Variants in COL5A3 observed in about 807,000 individuals in gnomAD.
The protein encoded by COL5A3 is collagen alpha-3(V) chain.
COL5A3 carries 172 observed loss-of-function variants against 250.0 expected under a neutral mutation model. That is an observed-to-expected ratio of 0.69 (90% CI 0.61 to 0.78). The LOEUF (loss-of-function observed/expected upper bound fraction) is 0.78. Ranked by LOEUF, COL5A3 falls within the 30% of genes least tolerant of loss-of-function variation. The pLI, the probability that COL5A3 is intolerant of heterozygous loss-of-function variation, is 0.00. For missense variants in COL5A3, 2,340 were observed against 2,334.4 expected (o/e 1.00, Z -0.05); for synonymous variants, 937 against 900.4 (o/e 1.04, Z -0.73).
chr19:9,988,380 G>A (rs1454348624), intron 27 of COL5A3, among the ~76,000 whole-genome samples: 2 of 152,204 alleles, frequency 1.3e-5, no homozygotes, highest in African/African-American at 2.4e-5. Context: ...ATGCACACAT[G>A]TTCAGGTAAA....
chr19:10,010,316 G>A lies in COL5A3; in HGVS notation c.70C>T (p.Leu24=). The A allele has an allele frequency of 6.8e-7, 1 of 1,463,150 alleles. No homozygotes were observed. The highest frequency in any genetic ancestry group is 9.1e-7 in the Non-Finnish European group (1 of 1,103,538). 90.6% of individuals were successfully genotyped at this position (1,463,150 alleles called of 1,614,324 possible). ...GGCTCACCGGCCTGCGTCCCCGGCA[G>A]AAGCTGCAGCGCGGCCAGGAGCAGG... The part of the protein sequence containing the change: ...LCLLLAALQL[L]PGTQADPVDV... The change falls in exon 1 of 67, where the codon CTG becomes TTG. Residue 24 remains leucine, a synonymous_variant. Coordinates refer to ENST00000264828, the MANE Select transcript of COL5A3 (RefSeq NM_015719.4).
At chr19:9,979,968 C>T (rs1445811661) in intron 36 of COL5A3, 26 bp downstream of exon 36, 1 of 1,578,162 alleles carries the variant, frequency 6.3e-7, no homozygotes, top group Non-Finnish European at 8.6e-7. Context: ...ACCCACCCAA[C>T]CCCCAATGAG....
chr19:9,966,157 C>G (rs1013609520), intron 64 of COL5A3, among the ~76,000 whole-genome samples, 157 bp downstream of exon 64: 1 of 152,158 alleles, frequency 6.6e-6, no homozygotes, highest in East Asian at 1.9e-4. Context: ...TGATCCTCTG[C>G]TGTAGTCCCA....
At chr19:9,977,126 C>T in intron 44 of COL5A3, 103 bp downstream of exon 44, 2 of 1,169,218 alleles carry the variant, frequency 1.7e-6, no homozygotes, top group Non-Finnish European at 2.5e-6. Flanking sequence ...AGGCAGAAAA[C>T]TCCATGGCCT....
At chr19:9,963,796 G>A (rs1487012145) in intron 64 of COL5A3, among the ~76,000 whole-genome samples, 2 of 152,234 alleles carry the variant, frequency 1.3e-5, no homozygotes, top group East Asian at 3.9e-4. Context: ...GGCCCAGTGG[G>A]AAGTCCAAGC....
Position 9,981,150 on chromosome 19 carries a change from G to T in COL5A3, c.2461-18C>A. ...GTCTTTCCCTGAAAATGAATTGTAA[G>T]AGAGAAAGCAGAAGAGAGTTAGGGT... On this transcript the variant is annotated intron_variant, in intron 32 of 66. Coordinates refer to ENST00000264828, the MANE Select transcript of COL5A3 (RefSeq NM_015719.4). 3 of 1,613,352 alleles carry T rather than the reference G, an allele frequency of 1.9e-6. No individual in the cohort carries two copies. Among genetic ancestry groups the T allele is most frequent in the Non-Finnish European group, 2.5e-6 (3 of 1,179,448 alleles).
At chr19:9,992,978 C>G (rs1306760694) in intron 20 of COL5A3, 45 bp downstream of exon 20, 5 of 1,609,828 alleles carry the variant, frequency 3.1e-6, no homozygotes, top group Non-Finnish European at 4.2e-6. Flanking sequence ...GTCCTGACTC[C>G]CTCCCCTGCA....
Position 9,969,900 on chromosome 19 carries a change from C to A in COL5A3, c.3959G>T (p.Arg1320Leu). 2.5e-6 allele frequency: 4 copies of A among 1,612,508 alleles called. No homozygotes were observed. Among genetic ancestry groups the A allele is most frequent in the Non-Finnish European group, 3.4e-6 (4 of 1,179,758 alleles). The change falls in exon 55 of 67, where the codon CGA (arginine) becomes CTA (leucine). Residue 1320 changes from arginine (R) to leucine (L), a missense_variant. Around this residue, in one of 3 missense-constraint regions of COL5A3, gnomAD observed 1,179 missense variants for 1,162.6 expected, o/e 1.01. Transcript: ENST00000264828. ...GKRGPSGHMG[R>L]EGREGEKGAK... is the part of the protein sequence containing the mutation. ...ACCTTTCTCCCCTTCTCTGCCTTCT[C>A]GACCCATGTGGCCTGAAGGACCCTT...
rs1223107770 is a variant in COL5A3, at chr19:9,972,912, G to T, written c.3774+7C>A. On this transcript the variant is annotated splice_region_variant and intron_variant, in intron 51 of 66. Coordinates refer to ENST00000264828, the MANE Select transcript of COL5A3 (RefSeq NM_015719.4). ...CATGTCTGCCCCCACTTCCCCCCAG[G>T]ACTCACCACGCTCCCTTTGGCTCCA... The T allele has an allele frequency of 1.3e-6, 2 of 1,598,494 alleles. No individual in the cohort carries two copies. The highest frequency in any genetic ancestry group is 3.5e-5 in the Admixed American group (2 of 57,962).
chr19:9,981,165 A>G, intron 32 of COL5A3, 33 bp from the exon 33 acceptor site: 1 of 1,608,086 alleles, frequency 6.2e-7, no homozygotes, highest in Non-Finnish European at 8.5e-7. Context: ...AAAGCAGAAG[A>G]GAGTTAGGGT....
At chr19:10,003,317 G>A (rs746021394) in intron 6 of COL5A3, among the ~76,000 whole-genome samples, 1 of 152,168 alleles carries the variant, frequency 6.6e-6, no homozygotes, top group Non-Finnish European at 1.5e-5. Context: ...GATTGAGGGG[G>A]TCAGAGATGG....
rs780613992 is a variant in COL5A3 at position 9,973,770 on chromosome 19, C to T, written c.3598G>A (p.Ala1200Thr). 7 of 1,614,008 alleles carry T rather than the reference C, an allele frequency of 4.3e-6. No homozygotes were observed. Among genetic ancestry groups the T allele is most frequent in the Middle Eastern group, 1.6e-4 (1 of 6,062 alleles). The change falls in exon 49 of 67, where the codon GCC (alanine) becomes ACC (threonine). Residue 1200 changes from alanine (A) to threonine (T), a missense_variant. Transcript: ENST00000264828. The stretch of plus-strand genomic sequence containing the variant: ...CCCTCACTCACCTTCTCACCCACGG[C>T]GCCTGGCTGACCAACTCCTCCAGGC... ...GLPGGVGQPG[A>T]VGEKGERGDA...
chr19:10,002,576 T>C (rs1450385000), intron 6 of COL5A3, among the ~76,000 whole-genome samples: 2 of 151,888 alleles, frequency 1.3e-5, no homozygotes, highest in Admixed American at 6.6e-5. Flanking sequence ...CTCAACCTGT[T>C]ACTGCTCCAT....
intron 15 of COL5A3, chr19:9,995,864 G>T: frequency 1.7e-6 from 1 of 600,344 alleles, no homozygotes; most frequent in South Asian, 2.9e-5. Context: ...GACTGGTCTT[G>T]AACTCCTGGC....
chr19:9,960,895 T>G lies in COL5A3; in HGVS notation c.4852-5A>C. ...GTCGGCGTCCACGTAGGAGAACTGG[T>G]GAGAGGAGGGCAAGGCAGAGGATGA... On this transcript the variant is annotated splice_region_variant and splice_polypyrimidine_tract_variant and intron_variant, in intron 65 of 66. Coordinates refer to ENST00000264828, the MANE Select transcript of COL5A3 (RefSeq NM_015719.4). The G allele has an allele frequency of 6.2e-7, 1 of 1,602,262 alleles. No individual in the cohort carries two copies.
At chr19:9,963,562 G>T (rs201106673) in intron 64 of COL5A3, among the ~76,000 whole-genome samples, 6,620 of 37,082 alleles carry the variant, frequency 0.18, 185 homozygotes, top group Middle Eastern at 0.24. Flanking sequence ...TGTTTTTTTT[G>T]GGGGGGGGGG....
At position 9,968,606 on chromosome 19, in the gene COL5A3, C is replaced by A; in HGVS notation, c.4206+69G>T. 9 of 1,580,466 alleles carry A rather than the reference C, an allele frequency of 5.7e-6. No individual in the cohort carries two copies. Among genetic ancestry groups the A allele is most frequent in the Non-Finnish European group, 6.9e-6 (8 of 1,152,396 alleles). On this transcript the variant is annotated intron_variant, in intron 58 of 66. Transcript: ENST00000264828. The surrounding 1 kb of genome is among the most constrained non-coding windows in gnomAD (Gnocchi z 4.1). The stretch of plus-strand genomic sequence containing the variant: ...AGCAGAGGATGCACCAATCTCCCAG[C>A]CCCCCAGCCAGGGAGGGAGGGAAAG...
rs986489526 is a variant in COL5A3 at position 9,996,055 on chromosome 19, A to G, written c.1533+11T>C. ...TCCCATCCTATCCTGCCCTATCTCC[A>G]CAAGTCTCACCTGTGGCCCTTCTGC... On this transcript the variant is annotated intron_variant, in intron 15 of 66. Coordinates refer to ENST00000264828, the MANE Select transcript of COL5A3 (RefSeq NM_015719.4). 13 of 1,562,146 alleles carry G rather than the reference A, an allele frequency of 8.3e-6. No homozygotes were observed. The highest frequency in any genetic ancestry group is 1.4e-5 in the African/African-American group (1 of 73,144).
intron 64 of COL5A3, among the ~76,000 whole-genome samples, chr19:9,964,854 TA>T (rs57037583): frequency 2.0e-5 from 1 of 49,010 alleles, no homozygotes; most frequent in Non-Finnish European, 3.4e-5. Context: ...CCATCTCTAC[TA>T]AAAAAAAAAA....
Sources: gnomAD v4.1 joint callset for allele counts (sites outside exome capture counted in the v4.1 genomes callset) on GRCh38, gnomAD v4.1.1 for gene constraint, gnomAD v4.1.1 regional missense constraint, Gnocchi (gnomAD v3.1) non-coding constraint, MANE v1.5 for transcripts, NCBI Gene and HGNC (gene_info 2026-07-23, HGNC 2026-07-21) for gene names.